TMEM184B: variants seen among roughly 807,000 people sequenced by gnomAD.
TMEM184B encodes transmembrane protein 184B.
TMEM184B carries 17 observed loss-of-function variants against 41.8 expected under a neutral mutation model. The observed-to-expected ratio is 0.41, with a 90% CI of 0.28 to 0.61. TMEM184B has a LOEUF of 0.61. Ranked by LOEUF, TMEM184B falls within the 20% of genes least tolerant of loss-of-function variation. The pLI, the probability that TMEM184B is intolerant of heterozygous loss-of-function variation, is 0.34. For synonymous variants in TMEM184B, 240 were observed against 229.5 expected, an observed-to-expected ratio of 1.05 and a Z score of -0.41; for missense variants, 393 against 557.8, an observed-to-expected ratio of 0.70 and a Z score of 2.98.
In TMEM184B at chr22:38,254,970, T is replaced by A. The variant is rs1180280642; in HGVS notation, c.-58-6951A>T. ...GGGTTCAAGCAATTCTCTGCCTCTG[T>A]CTCCTGAGTAGCTGGGATTACAGGT... On this transcript the variant is annotated intron_variant, in intron 1 of 8. Transcript: ENST00000361906. Among the ~76,000 whole-genome samples the A allele has an allele frequency of 3.3e-5, 5 of 151,258 alleles. No individual in the cohort carries two copies. The East Asian group carries it at 9.8e-4, about 30-fold the overall frequency.
At chr22:38,265,096 CTGGAGATGAG>C (rs2092424918) in intron 1 of TMEM184B, among the ~76,000 whole-genome samples, 1 of 152,194 alleles carries the variant, frequency 6.6e-6, no homozygotes, top group Non-Finnish European at 1.5e-5. Context: ...CTTTCTCCTC[CTGGAGATGAG>C]GCTAGGACCC....
rs1368745651 is a variant in TMEM184B at position 38,272,985 on chromosome 22, C to G, written c.-160G>C. ...CGCAGCCCCGGAGTCTCCGCCGCCG[C>G]CGGCGCGTCCCGGGCCCAGTGGAGT... On this transcript the variant is annotated 5_prime_UTR_variant, in exon 1 of 9. Coordinates refer to ENST00000361906, the MANE Select transcript of TMEM184B (RefSeq NM_012264.5). 3 of 205,050 alleles carry G rather than the reference C, an allele frequency of 1.5e-5. No homozygotes were observed. The highest frequency in any genetic ancestry group is 2.6e-5 in the Non-Finnish European group (3 of 117,430). The allele number at this position is 205,050 out of a possible 1,614,324, so 12.7% of individuals were successfully genotyped here. A position where few individuals can be genotyped will look rare whatever the true frequency, so the allele number is the denominator to read the frequency against.
At chr22:38,223,457 G>A (rs1402445545) in intron 8 of TMEM184B, 1 of 152,416 alleles carries the variant, frequency 6.6e-6, no homozygotes, top group Non-Finnish European at 1.5e-5. Flanking sequence ...GGCAACCCCT[G>A]GCCTTTGTGC....
intron 1 of TMEM184B, among the ~76,000 whole-genome samples, chr22:38,270,910 C>A (rs2092512350): frequency 6.6e-6 from 1 of 152,182 alleles, no homozygotes; most frequent in Non-Finnish European, 1.5e-5. Flanking sequence ...AGAGAGGGAG[C>A]AAACAGCCTC....
rs1380740909 is a variant in TMEM184B, at chr22:38,220,922, C to T, written c.*547G>A. ...TGATCCTTGCAGCATGCCACAGAGG[C>T]CTGGGTCAGGAGGGGAGGACCACAG... On this transcript the variant is annotated 3_prime_UTR_variant, in exon 9 of 9. Coordinates refer to ENST00000361906, the MANE Select transcript of TMEM184B (RefSeq NM_012264.5). The T allele has an allele frequency of 1.8e-5, 18 of 987,478 alleles. No homozygotes were observed. Among genetic ancestry groups the T allele is most frequent in the Non-Finnish European group, 1.9e-5 (16 of 831,208 alleles). 61.2% of individuals were successfully genotyped at this position (987,478 alleles called of 1,614,324 possible).
intron 5 of TMEM184B, 96 bp downstream of exon 5, chr22:38,230,573 G>A: frequency 7.8e-7 from 1 of 1,287,814 alleles, no homozygotes. Context: ...TCATAGGAAA[G>A]GGGACCTCTA....
chr22:38,255,904 G>A (rs1335933982), intron 1 of TMEM184B, among the ~76,000 whole-genome samples: 1 of 152,192 alleles, frequency 6.6e-6, no homozygotes, highest in East Asian at 1.9e-4. Flanking sequence ...TAATTTTAAA[G>A]GGTACCAGGG....
intron 1 of TMEM184B, among the ~76,000 whole-genome samples, chr22:38,259,681 GAA>G (rs1458137259): frequency 6.6e-6 from 1 of 152,242 alleles, no homozygotes; most frequent in African/African-American, 2.4e-5. Flanking sequence ...TTAGTCCAGT[GAA>G]ACACATTCTG....
intron 3 of TMEM184B, 123 bp downstream of exon 3, chr22:38,245,812 G>A (rs2092013652): frequency 1.3e-5 from 13 of 1,032,728 alleles, no homozygotes; most frequent in Non-Finnish European, 1.7e-5. Flanking sequence ...CCCTGTAGTA[G>A]GTAAAGCAGC....
intron 1 of TMEM184B, among the ~76,000 whole-genome samples, chr22:38,262,066 C>T (rs573348642): frequency 1.1e-4 from 17 of 152,338 alleles, no homozygotes; most frequent in African/African-American, 3.8e-4. Context: ...ATTTGGTGAA[C>T]TCCTACGCAG....
Position 38,224,888 on chromosome 22 carries a change from G to A in TMEM184B, c.879C>T (p.Gly293=). The A allele has an allele frequency of 6.2e-7, 1 of 1,613,566 alleles. No individual in the cohort carries two copies. Among genetic ancestry groups the A allele is most frequent in the Non-Finnish European group, 8.5e-7 (1 of 1,179,952 alleles). The part of the protein sequence containing the change: ...VSVGEGTVAA[G]YQDFIICVEM... ...CCACACAGATGATGAAGTCCTGGTA[G>A]CCGGCAGCCACGGTGCCCTCGCCCA... is the stretch of plus-strand genomic sequence containing the variant. Residue 293 remains glycine, a synonymous_variant, in exon 8 of 9, where the codon GGC becomes GGT. Coordinates refer to ENST00000361906, the MANE Select transcript of TMEM184B (RefSeq NM_012264.5).
rs1489448984 is a variant in TMEM184B, at chr22:38,239,789, G to A, written c.358+6146C>T. 6.6e-6 allele frequency among the ~76,000 whole-genome samples: 1 copy of A among 152,174 alleles called. No individual in the cohort carries two copies. Among genetic ancestry groups the A allele is most frequent in the Non-Finnish European group, 1.5e-5 (1 of 68,026 alleles). On this transcript the variant is annotated intron_variant, in intron 3 of 8. Transcript: ENST00000361906. This position sits in a 1 kb window ranked among gnomAD's most constrained non-coding sequence, Gnocchi z 4.6. Reference sequence around the variant, plus strand: ...CCACGCTGTACCAGTCACTCAGCCTGTGCAGTGTTTTGAGGCAGGAGATGA... The same window carrying A: ...CCACGCTGTACCAGTCACTCAGCCTATGCAGTGTTTTGAGGCAGGAGATGA...
At chr22:38,234,114 C>T (rs1465695754) in intron 3 of TMEM184B, among the ~76,000 whole-genome samples, 1 of 152,172 alleles carries the variant, frequency 6.6e-6, no homozygotes, top group Admixed American at 6.5e-5. Flanking sequence ...TGCTGACACC[C>T]CTCCTCTGAG....
intron 5 of TMEM184B, among the ~76,000 whole-genome samples, chr22:38,229,557 C>A (rs761564618): frequency 1.1e-4 from 16 of 152,348 alleles, no homozygotes; most frequent in Non-Finnish European, 1.2e-4. Flanking sequence ...ACCACACTGC[C>A]CCCACCCAGG....
intron 5 of TMEM184B, among the ~76,000 whole-genome samples, chr22:38,230,279 G>C (rs973557835): frequency 1.3e-5 from 2 of 152,232 alleles, no homozygotes; most frequent in African/African-American, 4.8e-5. Context: ...ACGAAGAGAC[G>C]GCAGAGGCCT....
intron 3 of TMEM184B, among the ~76,000 whole-genome samples, chr22:38,236,015 CCT>C (rs1351085219): frequency 1.3e-5 from 2 of 152,274 alleles, no homozygotes; most frequent in African/African-American, 4.8e-5. Flanking sequence ...TGTGCTAAGC[CCT>C]CTCATAAATG....
rs2091443114 is a variant in TMEM184B at position 38,226,483 on chromosome 22, C to T, written c.617+296G>A. On this transcript the variant is annotated intron_variant, in intron 6 of 8. Transcript: ENST00000361906. The surrounding 1 kb of genome is among the most constrained non-coding windows in gnomAD (Gnocchi z 4.6). ...TGAGCCGACCTCTTGGGGCTCTGACCCTCTCGCTCCCTGCCTCAGCAGTGG... is the reference window on the plus strand; with the variant it reads ...TGAGCCGACCTCTTGGGGCTCTGACTCTCTCGCTCCCTGCCTCAGCAGTGG... 2.9e-6 allele frequency: 1 copy of T among 349,444 alleles called. No homozygotes were observed. Among genetic ancestry groups the T allele is most frequent in the African/African-American group, 2.1e-5 (1 of 48,260 alleles). 21.6% of individuals were successfully genotyped at this position (349,444 alleles called of 1,614,324 possible). A position where few individuals can be genotyped will look rare whatever the true frequency, so the allele number is the denominator to read the frequency against.
chr22:38,228,395 G>GAGAGAAGCT (rs2091510570), intron 5 of TMEM184B, among the ~76,000 whole-genome samples: 1 of 139,934 alleles, frequency 7.1e-6, no homozygotes, highest in Admixed American at 7.4e-5. Context: ...AACTGAGGCA[G>GAGAGAAGCT]AGAGAAGCTG....
At chr22:38,262,948 G>A (rs931420516) in intron 1 of TMEM184B, among the ~76,000 whole-genome samples, 3 of 152,154 alleles carry the variant, frequency 2.0e-5, no homozygotes, top group African/African-American at 2.4e-5. Context: ...TGTAGCTCAG[G>A]CTGGAGTACA....
Sources: allele counts gnomAD v4.1 joint callset (sites outside exome capture counted in the v4.1 genomes callset), GRCh38; gene constraint gnomAD v4.1.1; non-coding constraint Gnocchi (gnomAD v3.1); transcripts MANE v1.5; gene names NCBI Gene and HGNC (gene_info 2026-07-23, HGNC 2026-07-21).